ARHGAP28: variants seen among roughly 807,000 people sequenced by gnomAD.
ARHGAP28 encodes the protein Rho GTPase activating protein 28, also known as rho GTPase-activating protein 28.
Under a neutral mutation model 90.7 loss-of-function variants are expected in ARHGAP28, and 56 were observed. The ratio of observed to expected loss-of-function variants is 0.62; its 90% confidence interval spans 0.50 to 0.77. The LOEUF is 0.77. Ranked by LOEUF, ARHGAP28 falls within the 30% of genes least tolerant of loss-of-function variation. The probability of loss-of-function intolerance (pLI) is 0.00; values close to 1 mark genes in which losing one functional copy is unlikely to be tolerated. For missense variants in ARHGAP28, 869 were observed against 900.9 expected, an observed-to-expected ratio of 0.96 and a Z score of 0.45; for synonymous variants, 308 against 323.3, an observed-to-expected ratio of 0.95 and a Z score of 0.51.
chr18:6,756,548 GT>G (rs1216262263), intron 1 of ARHGAP28, among the ~76,000 whole-genome samples: 1 of 152,134 alleles, frequency 6.6e-6, no homozygotes, highest in Non-Finnish European at 1.5e-5. Context: ...TTGAAAAAAT[GT>G]TTGTTATTTG....
At chr18:6,841,171 T>TCG (rs1395198791) in intron 3 of ARHGAP28, among the ~76,000 whole-genome samples, 1 of 57,452 alleles carries the variant, frequency 1.7e-5, no homozygotes, top group Non-Finnish European at 4.2e-5. Flanking sequence ...CTCTCTCCTC[T>TCG]CTCTCTCTCC....
chr18:6,730,299 C>G (rs1213407523), intron 1 of ARHGAP28, among the ~76,000 whole-genome samples: 1 of 150,414 alleles, frequency 6.6e-6, no homozygotes, highest in Non-Finnish European at 1.5e-5. Flanking sequence ...CCAAATGAAA[C>G]ACAAGCAGCA....
At chr18:6,885,268 A>C (rs919890338) in intron 11 of ARHGAP28, among the ~76,000 whole-genome samples, 1 of 152,232 alleles carries the variant, frequency 6.6e-6, no homozygotes, top group Non-Finnish European at 1.5e-5. Flanking sequence ...CCCTGCAGGA[A>C]ACCCAGAGTT....
At chr18:6,879,772 G>T (rs1452682249) in intron 10 of ARHGAP28, among the ~76,000 whole-genome samples, 1 of 152,210 alleles carries the variant, frequency 6.6e-6, no homozygotes, top group African/African-American at 2.4e-5. Flanking sequence ...AGCATGGCAG[G>T]CCCTGCCCTG....
At position 6,851,067 on chromosome 18, in the gene ARHGAP28, C is replaced by G. The variant is rs574313127; in HGVS notation, c.577C>G (p.Leu193Val). 9 of 1,614,096 alleles carry G rather than the reference C, an allele frequency of 5.6e-6. No homozygotes were observed. The African/African-American group carries it at 9.3e-5, about 17-fold the overall frequency. ...TACCTGTGGCAACCACACTAATCAG[C>G]TGGATGGCACCAAGGAAGAAAGAGA... ...RDTCGNHTNQ[L>V]DGTKEERELP... The change falls in exon 4 of 18, where the codon CTG becomes GTG. Residue 193 changes from leucine to valine, a missense_variant. By Grantham distance (32) the Leu-to-Val change is conservative (BLOSUM62 1). Transcript: ENST00000383472.
intron 2 of ARHGAP28, among the ~76,000 whole-genome samples, chr18:6,826,133 CTGTTTGTTTTTTT>C (rs1264625755): frequency 1.4e-5 from 1 of 73,134 alleles, no homozygotes; most frequent in East Asian, 4.0e-4. Flanking sequence ...TTTTTTTTTT[CTGTTTGTTTTTTT>C]GACTGTTTTG....
chr18:6,764,265 T>C (rs2056183734), intron 1 of ARHGAP28, among the ~76,000 whole-genome samples: 1 of 152,106 alleles, frequency 6.6e-6, no homozygotes, highest in Non-Finnish European at 1.5e-5. Flanking sequence ...TAAGCCCACG[T>C]CCAAAGAGAT....
At chr18:6,841,157 T>TCTCTCTCTCTCTC (rs2056808776) in intron 3 of ARHGAP28, among the ~76,000 whole-genome samples, 1 of 70,282 alleles carries the variant, frequency 1.4e-5, no homozygotes, top group Admixed American at 1.5e-4. Flanking sequence ...TCTCTCCTCT[T>TCTCTCTCTCTCTC]TCTCTCTCTC....
intron 2 of ARHGAP28, among the ~76,000 whole-genome samples, chr18:6,826,683 C>CTTTTTTTTTTTTTTTTTT (rs36069648): frequency 2.3e-5 from 2 of 88,262 alleles, no homozygotes; most frequent in African/African-American, 4.5e-5. Context: ...GGATTTTGAG[C>CTTTTTTTTTTTTTTTTTT]TTTTTTTTTT....
At chr18:6,814,864 C>T (rs2143709372) in intron 1 of ARHGAP28, among the ~76,000 whole-genome samples, 1 of 152,262 alleles carries the variant, frequency 6.6e-6, no homozygotes, top group Admixed American at 6.5e-5. Flanking sequence ...CTAGAGTTCA[C>T]CAAGACTCTT....
Position 6,870,639 on chromosome 18 carries a change from A to G in ARHGAP28, c.861A>G (p.Ser287=). Residue 287 remains serine (S), a synonymous_variant, in exon 7 of 18, where the codon TCA becomes TCG. Transcript: ENST00000383472. ...KNIPPEAEEL[S]FEVSYSEMVT... ...TTCCACCAGAGGCTGAAGAGCTGTCATTTGAAGTGTCTTATTCAGAAATGG... is the reference window on the plus strand; with the variant it reads ...TTCCACCAGAGGCTGAAGAGCTGTCGTTTGAAGTGTCTTATTCAGAAATGG... 6.2e-7 allele frequency: 1 copy of G among 1,613,106 alleles called. No homozygotes were observed. Among genetic ancestry groups the G allele is most frequent in the Non-Finnish European group, 8.5e-7 (1 of 1,179,382 alleles).
At chr18:6,897,823 G>A (rs1449387914) in intron 16 of ARHGAP28, 1 of 152,168 alleles carries the variant, frequency 6.6e-6, no homozygotes, top group East Asian at 1.9e-4. Flanking sequence ...TTATGGTGTT[G>A]GAACTTGTGG....
At chr18:6,781,710 TG>T (rs1255235846) in intron 1 of ARHGAP28, among the ~76,000 whole-genome samples, 2 of 152,184 alleles carry the variant, frequency 1.3e-5, no homozygotes, top group Non-Finnish European at 2.9e-5. Flanking sequence ...GGCATTGTTC[TG>T]GGGGTGGGAC....
chr18:6,794,173 A>T (rs1406684989), intron 1 of ARHGAP28, among the ~76,000 whole-genome samples: 1 of 152,236 alleles, frequency 6.6e-6, no homozygotes, highest in African/African-American at 2.4e-5. Flanking sequence ...ACCCCACTAA[A>T]CATGATAAAT....
chr18:6,831,472 TTTTTTTTTTTTTTTTC>T (rs2056715046), intron 2 of ARHGAP28, among the ~76,000 whole-genome samples: 2 of 9,508 alleles, frequency 2.1e-4, no homozygotes, highest in Admixed American at 2.2e-3. Context: ...TATCTTGATG[TTTTTTTTTTTTTTTTC>T]TTTTTTTTTT....
intron 1 of ARHGAP28, among the ~76,000 whole-genome samples, chr18:6,774,426 A>T (rs2056267674): frequency 6.6e-6 from 1 of 152,096 alleles, no homozygotes; most frequent in Non-Finnish European, 1.5e-5. Flanking sequence ...CCATTTTTTA[A>T]CCTCTCACAG....
chr18:6,766,918 G>A (rs1033213866), intron 1 of ARHGAP28, among the ~76,000 whole-genome samples: 11 of 152,254 alleles, frequency 7.2e-5, no homozygotes, highest in South Asian at 2.1e-4. Flanking sequence ...ATCTTGGTCC[G>A]TCCTTTACTT....
intron 1 of ARHGAP28, among the ~76,000 whole-genome samples, chr18:6,785,986 C>T (rs978255265): frequency 6.6e-6 from 1 of 152,122 alleles, no homozygotes; most frequent in Non-Finnish European, 1.5e-5. Context: ...AATTGTGTTT[C>T]TTCATATGGG....
intron 10 of ARHGAP28, among the ~76,000 whole-genome samples, chr18:6,877,222 A>G (rs757405075): frequency 2.0e-5 from 3 of 152,222 alleles, no homozygotes; most frequent in South Asian, 2.1e-4. Context: ...GAAACTGAGA[A>G]TAGATAGGCT....
Sources: allele counts gnomAD v4.1 joint callset (sites outside exome capture counted in the v4.1 genomes callset), GRCh38; gene constraint gnomAD v4.1.1; transcripts MANE v1.5; gene names NCBI Gene and HGNC (gene_info 2026-07-23, HGNC 2026-07-21).